Variants in NRG1 observed in about 807,000 individuals in gnomAD.
The protein encoded by NRG1 is pro-neuregulin-1, membrane-bound isoform.
In NRG1, 18 loss-of-function variants were observed where a neutral mutation model predicts 63.8. The ratio of observed to expected loss-of-function variants is 0.28; its 90% CI spans 0.19 to 0.42. The LOEUF (loss-of-function observed/expected upper bound fraction) is 0.42, where lower values mean the gene tolerates loss of function less well. Among genes scored for constraint, NRG1 ranks in the 10% least tolerant of loss-of-function variants. NRG1 has a pLI of 1.00. For missense variants in NRG1, 762 were observed against 814.7 expected, an observed-to-expected ratio of 0.94 and a Z score of 0.79; for synonymous variants, 302 against 301.3, an observed-to-expected ratio of 1.00 and a Z score of -0.02.
At chr8:32,704,647 G>C (rs181324887) in intron 5 of NRG1, among the ~76,000 whole-genome samples, 102 of 152,256 alleles carry the variant, frequency 6.7e-4, no homozygotes, top group African/African-American at 2.4e-3. Flanking sequence ...CTTAAGTGTT[G>C]CCTGCACTTC....
chr8:32,240,990 A>G (rs1848044520), intron 1 of NRG1, among the ~76,000 whole-genome samples: 1 of 152,154 alleles, frequency 6.6e-6, no homozygotes, highest in South Asian at 2.1e-4. Flanking sequence ...TTAAAAAAGC[A>G]ATACAAGCCA....
chr8:32,667,363 C>T (rs1804464345), intron 5 of NRG1, among the ~76,000 whole-genome samples: 2 of 152,158 alleles, frequency 1.3e-5, no homozygotes, highest in Non-Finnish European at 2.9e-5. Context: ...TCTCTTCTTG[C>T]ATCAGTGAAC....
chr8:32,393,494 C>T (rs1408404333), intron 1 of NRG1, among the ~76,000 whole-genome samples: 1 of 152,130 alleles, frequency 6.6e-6, no homozygotes, highest in African/African-American at 2.4e-5. Flanking sequence ...AAATGCCCAT[C>T]AACAGTAAAC....
intron 3 of NRG1, among the ~76,000 whole-genome samples, chr8:32,608,233 C>T (rs2439280): frequency 0.61 from 92,123 of 150,852 alleles, 29,217 homozygotes; most frequent in African/African-American, 0.77. Context: ...GGCTAGGGTG[C>T]AGAGGTGTGA....
chr8:31,698,855 A>C (rs1810346255), intron 1 of NRG1, among the ~76,000 whole-genome samples: 4 of 152,232 alleles, frequency 2.6e-5, no homozygotes, highest in Admixed American at 2.0e-4. Flanking sequence ...AATATGTTAC[A>C]GTACAACCTT....
intron 1 of NRG1, among the ~76,000 whole-genome samples, chr8:32,559,573 G>T (rs775941210): frequency 6.6e-6 from 1 of 152,020 alleles, no homozygotes; most frequent in African/African-American, 2.4e-5. Context: ...ATGGATACAG[G>T]CTTTCTTTTC....
chr8:32,340,854 A>G, intron 1 of NRG1, among the ~76,000 whole-genome samples: 1 of 152,206 alleles, frequency 6.6e-6, no homozygotes, highest in East Asian at 1.9e-4. Flanking sequence ...GGTTTTGTGA[A>G]TGTTTCATGG....
intron 5 of NRG1, among the ~76,000 whole-genome samples, chr8:32,694,982 A>G (rs564307463): frequency 3.5e-4 from 54 of 152,274 alleles, no homozygotes; most frequent in African/African-American, 1.1e-3. Context: ...TGATGATGCG[A>G]AAGGTGAGAG....
intron 5 of NRG1, among the ~76,000 whole-genome samples, chr8:32,631,679 TG>T (rs1270762061): frequency 6.6e-6 from 1 of 152,194 alleles, no homozygotes; most frequent in Non-Finnish European, 1.5e-5. Context: ...TTAATGCTAA[TG>T]GAATGCTTAT....
intron 1 of NRG1, chr8:31,639,511 G>A: frequency 6.6e-7 from 1 of 1,518,410 alleles, no homozygotes; most frequent in Non-Finnish European, 8.8e-7. Flanking sequence ...TCCGCCTCCA[G>A]GGCTCTCTCC....
chr8:32,199,567 T>A (rs2132284494), intron 1 of NRG1, among the ~76,000 whole-genome samples: 1 of 152,276 alleles, frequency 6.6e-6, no homozygotes, highest in East Asian at 1.9e-4. Context: ...TCACATATGA[T>A]TGGTATTTGA....
At chr8:31,764,836 C>T (rs966884691) in intron 1 of NRG1, among the ~76,000 whole-genome samples, 1 of 150,998 alleles carries the variant, frequency 6.6e-6, no homozygotes, top group East Asian at 2.0e-4. Flanking sequence ...TGCACTGCAC[C>T]CACTAACTCG....
At chr8:31,902,633 A>C (rs1289478396) in intron 1 of NRG1, among the ~76,000 whole-genome samples, 1 of 152,206 alleles carries the variant, frequency 6.6e-6, no homozygotes, top group Non-Finnish European at 1.5e-5. Flanking sequence ...GAAACGTACT[A>C]ATAAAAATAT....
intron 1 of NRG1, among the ~76,000 whole-genome samples, chr8:32,523,329 G>A (rs1830513960): frequency 6.6e-6 from 1 of 152,116 alleles, no homozygotes; most frequent in African/African-American, 2.4e-5. Context: ...ACATTAAAGA[G>A]ATTTGCAAAA....
At chr8:32,667,282 C>T (rs1804441260) in intron 5 of NRG1, among the ~76,000 whole-genome samples, 1 of 152,160 alleles carries the variant, frequency 6.6e-6, no homozygotes, top group Non-Finnish European at 1.5e-5. Context: ...GGACCACTGT[C>T]GTAGATGCAG....
At chr8:32,703,573 T>A (rs1815546982) in intron 5 of NRG1, among the ~76,000 whole-genome samples, 1 of 151,998 alleles carries the variant, frequency 6.6e-6, no homozygotes, top group African/African-American at 2.4e-5. Context: ...AAAAGAAATG[T>A]AATTCACTTT....
rs35064563 is a variant in NRG1 at position 32,566,342 on chromosome 8, C to CAAAAA, written c.100+17529_100+17533dup. ...ACTTCACTCCAGCCACAGAACATCT[C>CAAAAA]AAAAAAAAAAAAAAAAAGACAGCAT... On this transcript the variant is annotated intron_variant, in intron 1 of 11. Transcript: ENST00000356819. 4.0e-4 allele frequency among the ~76,000 whole-genome samples: 41 copies of CAAAAA among 102,664 alleles called. 1 individual carries two copies. The highest frequency in any genetic ancestry group is 7.2e-4 in the South Asian group (2 of 2,772). The allele number at this position is 102,664 out of a possible 152,430, so 67.4% of individuals were successfully genotyped here.
intron 5 of NRG1, among the ~76,000 whole-genome samples, chr8:32,641,758 A>G (rs1282418765): frequency 6.6e-6 from 1 of 152,212 alleles, no homozygotes; most frequent in Non-Finnish European, 1.5e-5. Flanking sequence ...ATTAAGTCAA[A>G]TTGTCTGCTC....
chr8:32,508,700 G>A (rs1324929760), intron 1 of NRG1, among the ~76,000 whole-genome samples: 1 of 151,990 alleles, frequency 6.6e-6, no homozygotes, highest in African/African-American at 2.4e-5. Context: ...TTTTATACTT[G>A]TATATACTTT....
Sources: gnomAD v4.1 joint callset for allele counts (sites outside exome capture counted in the v4.1 genomes callset) on GRCh38, gnomAD v4.1.1 for gene constraint, MANE v1.5 for transcripts, NCBI Gene and HGNC (gene_info 2026-07-23, HGNC 2026-07-21) for gene names.